The following SYTL3 variants were observed in gnomAD, a reference collection of about 807,000 sequenced individuals.
SYTL3 encodes the protein synaptotagmin like 3.
In SYTL3, 88 loss-of-function variants were observed where a neutral mutation model predicts 82.1. The observed-to-expected ratio is 1.07, with a 90% CI of 0.90 to 1.28. The LOEUF is 1.28. Among genes scored for constraint, SYTL3 ranks in the 50% most tolerant of loss-of-function variants. The pLI, the probability that SYTL3 is intolerant of heterozygous loss-of-function variation, is 0.00. For missense variants in SYTL3, 831 were observed against 757.6 expected (o/e 1.10, Z -1.14); for synonymous variants, 311 against 289.4 (o/e 1.07, Z -0.76).
At chr6:158,700,994 G>C (rs539336945) in intron 6 of SYTL3, among the ~76,000 whole-genome samples, 2 of 152,328 alleles carry the variant, frequency 1.3e-5, no homozygotes, top group East Asian at 3.9e-4. Context: ...AGAAGATGAG[G>C]CCATGTCCTC....
At chr6:158,686,323 A>G (rs1173243158) in intron 6 of SYTL3, among the ~76,000 whole-genome samples, 1 of 152,216 alleles carries the variant, frequency 6.6e-6, no homozygotes, top group Non-Finnish European at 1.5e-5. Flanking sequence ...TGTCGTTTCT[A>G]TCAATGTATA....
intron 6 of SYTL3, among the ~76,000 whole-genome samples, chr6:158,692,495 G>C (rs60304115): frequency 1.3e-5 from 2 of 152,076 alleles, no homozygotes; most frequent in South Asian, 2.1e-4. Context: ...CCTCCCAGCA[G>C]TAAACGTGAT....
intron 11 of SYTL3, chr6:158,725,988 G>T: frequency 1.5e-6 from 1 of 664,034 alleles, no homozygotes; most frequent in Non-Finnish European, 2.9e-6. Flanking sequence ...TTGGAGCTGC[G>T]TTAGGCATGC....
At chr6:158,712,859 C>T (rs1782915780) in intron 8 of SYTL3, among the ~76,000 whole-genome samples, 1 of 151,256 alleles carries the variant, frequency 6.6e-6, no homozygotes, top group Non-Finnish European at 1.5e-5. Flanking sequence ...CCCGGGTTCA[C>T]ACCATTCTCC....
In SYTL3 at chr6:158,764,550, G is replaced by T. The variant is rs140279225; in HGVS notation, c.1779G>T (p.Gln593His). The T allele has an allele frequency of 3.8e-4, 614 of 1,614,144 alleles. 1 individual carries two copies. The African/African-American group carries it at 7.0e-3, about 18-fold the overall frequency. ...GCTCACTATCGAAGCTCCAGTGGCA[G>T]AAAGTCCTTTCCAGCCCCAATCTAT... Reference protein sequence around the residue: ...DACSLSKLQWQKVLSSPNLWT... With the variant: ...DACSLSKLQWHKVLSSPNLWT... The change falls in exon 18 of 18, where the codon CAG (glutamine) becomes CAT (histidine). Residue 593 changes from glutamine to histidine, a missense_variant. Physicochemically the swap from Gln to His is conservative, Grantham distance 24 (BLOSUM62 0). Transcript: ENST00000611299.
At chr6:158,704,825 GGGCTGT>G in intron 6 of SYTL3, among the ~76,000 whole-genome samples, 1 of 142,040 alleles carries the variant, frequency 7.0e-6, no homozygotes, top group Admixed American at 6.9e-5. Flanking sequence ...GTGACAGTGA[GGGCTGT>G]AAGGCCACAT....
intron 6 of SYTL3, among the ~76,000 whole-genome samples, chr6:158,700,793 C>T (rs569111035): frequency 5.7e-4 from 86 of 152,146 alleles, no homozygotes; most frequent in East Asian, 2.1e-3. Context: ...ATTTTTTGTA[C>T]TTTTAGTAGA....
intron 8 of SYTL3, among the ~76,000 whole-genome samples, chr6:158,709,154 G>C (rs1393732300): frequency 6.6e-6 from 1 of 152,054 alleles, no homozygotes; most frequent in Non-Finnish European, 1.5e-5. Context: ...AATTGCTTGA[G>C]CCTTGGAGGT....
intron 8 of SYTL3, among the ~76,000 whole-genome samples, chr6:158,710,740 A>G (rs1449991168): frequency 6.7e-6 from 1 of 148,228 alleles, no homozygotes; most frequent in African/African-American, 2.5e-5. Flanking sequence ...CACTTGCTGC[A>G]CTTGTATTTG....
At chr6:158,688,474 A>T (rs1366420517) in intron 6 of SYTL3, among the ~76,000 whole-genome samples, 2 of 152,178 alleles carry the variant, frequency 1.3e-5, no homozygotes, top group East Asian at 3.8e-4. Flanking sequence ...TCACGTAAAA[A>T]ACTAGACGCC....
chr6:158,752,348 A>C (rs1788505154), intron 13 of SYTL3, among the ~76,000 whole-genome samples: 2 of 152,178 alleles, frequency 1.3e-5, no homozygotes, highest in Admixed American at 1.3e-4. Context: ...TTTAAACATT[A>C]GTTTGTCTTA....
At chr6:158,696,335 G>T (rs1231808011) in intron 6 of SYTL3, among the ~76,000 whole-genome samples, 2 of 151,652 alleles carry the variant, frequency 1.3e-5, no homozygotes, top group African/African-American at 4.8e-5. Context: ...GAGTAGCTGG[G>T]ACTACAGGTG....
At chr6:158,746,999 T>G (rs1787749267) in intron 12 of SYTL3, among the ~76,000 whole-genome samples, 1 of 152,104 alleles carries the variant, frequency 6.6e-6, no homozygotes, top group African/African-American at 2.4e-5. Context: ...TTTATTTTGT[T>G]TTTTTGAGAC....
intron 5 of SYTL3, among the ~76,000 whole-genome samples, chr6:158,674,119 A>AATAATAATAATAATAATAATAATG (rs544841096): frequency 2.8e-5 from 4 of 141,456 alleles, no homozygotes; most frequent in African/African-American, 1.1e-4. Context: ...TAATAATAAT[A>AATAATAATAATAATAATAATAATG]ATGATGATGA....
intron 11 of SYTL3, among the ~76,000 whole-genome samples, chr6:158,737,807 C>T (rs1786402624): frequency 6.6e-6 from 1 of 152,188 alleles, no homozygotes; most frequent in South Asian, 2.1e-4. Context: ...GCTCTCCTTT[C>T]ATTATGAGGG....
At chr6:158,739,555 T>G (rs1165055613) in intron 11 of SYTL3, among the ~76,000 whole-genome samples, 2 of 152,112 alleles carry the variant, frequency 1.3e-5, no homozygotes, top group Non-Finnish European at 2.9e-5. Context: ...ATGTCCTGTA[T>G]GTCTCTCTCC....
intron 11 of SYTL3, among the ~76,000 whole-genome samples, chr6:158,734,479 A>G (rs970548619): frequency 1.3e-5 from 2 of 151,970 alleles, no homozygotes; most frequent in Admixed American, 6.6e-5. Context: ...CACCTACCCC[A>G]TCGCTCATTC....
chr6:158,740,337 T>C (rs1426819500), intron 11 of SYTL3, among the ~76,000 whole-genome samples: 1 of 152,142 alleles, frequency 6.6e-6, no homozygotes, highest in Admixed American at 6.6e-5. Context: ...TAAATTCTAG[T>C]CCTCTGGAGA....
At chr6:158,692,326 C>G (rs1779991981) in intron 6 of SYTL3, among the ~76,000 whole-genome samples, 1 of 134,556 alleles carries the variant, frequency 7.4e-6, no homozygotes, top group Admixed American at 7.7e-5. Flanking sequence ...GCAGTCTACT[C>G]AGACTTTCAC....
Sources: allele counts gnomAD v4.1 joint callset (sites outside exome capture counted in the v4.1 genomes callset), GRCh38; gene constraint gnomAD v4.1.1; transcripts MANE v1.5; gene names NCBI Gene and HGNC (gene_info 2026-07-23, HGNC 2026-07-21).